HSD17B2: variants seen among roughly 807,000 people sequenced by gnomAD.
HSD17B2 encodes 17-beta-hydroxysteroid dehydrogenase type 2.
In HSD17B2, 32 loss-of-function variants were observed where a neutral mutation model predicts 26.9. That is an observed-to-expected ratio of 1.19 (90% confidence interval 0.90 to 1.60). The LOEUF is 1.60. Ranked by LOEUF, HSD17B2 falls within the 40% of genes most tolerant of loss-of-function variation. The pLI is 0.00. For synonymous variants in HSD17B2, 246 were observed against 186.7 expected, an observed-to-expected ratio of 1.32 and a Z score of -2.59; for missense variants, 613 against 468.6, an observed-to-expected ratio of 1.31 and a Z score of -2.85.
At chr16:82,036,753 G>C (rs1043645842) in intron 1 of HSD17B2, among the ~76,000 whole-genome samples, 1 of 152,112 alleles carries the variant, frequency 6.6e-6, no homozygotes, top group Non-Finnish European at 1.5e-5. Context: ...AAAGTTTAGA[G>C]GGAGAAAATT....
chr16:82,069,361 G>C (rs1914645557), intron 2 of HSD17B2, among the ~76,000 whole-genome samples: 1 of 152,160 alleles, frequency 6.6e-6, no homozygotes. Flanking sequence ...TGTGACTAGG[G>C]CTGCAACGAA....
chr16:82,070,995 G>T lies in HSD17B2; in HGVS notation c.532G>T (p.Glu178Ter). ...GGTGCTTGGCTTTCCAACTGATGGGGAGCTTCTTCTTATGACTGACTACAA... is the reference window on the plus strand; with the variant it reads ...GGTGCTTGGCTTTCCAACTGATGGGTAGCTTCTTCTTATGACTGACTACAA... Reference protein sequence around the residue: ...AGVLGFPTDGELLLMTDYKQC... With the variant: ...AGVLGFPTDG Residue 178 changes from glutamate (E) to a stop codon, truncating the protein, a stop_gained, in exon 3 of 5, where the codon GAG (glutamate) becomes TAG (stop). Transcript: ENST00000199936. LOFTEE classifies it high-confidence loss of function. 6.2e-7 allele frequency: 1 copy of T among 1,614,224 alleles called. No homozygotes were observed. Among genetic ancestry groups the T allele is most frequent in the Non-Finnish European group, 8.5e-7 (1 of 1,180,034 alleles).
intron 1 of HSD17B2, chr16:82,062,982 G>A (rs1914482383): frequency 6.6e-6 from 1 of 152,220 alleles, no homozygotes; most frequent in Non-Finnish European, 1.5e-5. Flanking sequence ...TGACGTCACG[G>A]TTACAGCCAC....
rs1811306265 is a variant in HSD17B2, at chr16:82,090,965, C to T, written c.728C>T (p.Ser243Leu). 2 of 1,614,062 alleles carry T rather than the reference C, an allele frequency of 1.2e-6. No homozygotes were observed. The highest frequency in any genetic ancestry group is 1.1e-5 in the South Asian group (1 of 91,080). ...GSSKAAVTMF[S>L]SVMRLELSKW... ...TCAAAGGCGGCTGTGACCATGTTCT[C>T]ATCAGTTATGAGACTGGAGCTTTCC... Residue 243 changes from serine to leucine, a missense_variant, in exon 4 of 5, where the codon TCA (serine) becomes TTA (leucine). Coordinates refer to ENST00000199936, the MANE Select transcript of HSD17B2 (RefSeq NM_002153.3).
At chr16:82,076,517 CTG>C (rs1489572664) in intron 3 of HSD17B2, among the ~76,000 whole-genome samples, 4 of 152,206 alleles carry the variant, frequency 2.6e-5, no homozygotes, top group Non-Finnish European at 5.9e-5. Flanking sequence ...ACAATTAAAA[CTG>C]ATAAACAAAT....
intron 4 of HSD17B2, chr16:82,092,407 G>T (rs1228948189): frequency 6.6e-6 from 1 of 152,154 alleles, no homozygotes; most frequent in Non-Finnish European, 1.5e-5. Context: ...TTCAAGTGAA[G>T]ATGTAAAAAG....
intron 3 of HSD17B2, among the ~76,000 whole-genome samples, chr16:82,082,567 T>G (rs915620833): frequency 6.6e-6 from 1 of 152,208 alleles, no homozygotes; most frequent in Non-Finnish European, 1.5e-5. Context: ...TGTTAGCTAT[T>G]ATTTCTATCA....
At position 82,098,171 on chromosome 16, in the gene HSD17B2, T is replaced by A. The variant is rs778586628; in HGVS notation, c.899T>A (p.Ile300Asn). The change falls in exon 5 of 5, where the codon ATC becomes AAC. Residue 300 changes from isoleucine (I) to asparagine (N), a missense_variant. Transcript: ENST00000199936. ...EVQEDYGQDY[I>N]LAQRNFLLLI... ...CAGGAAGACTACGGCCAGGACTACA[T>A]CTTAGCACAGCGGAATTTCCTCCTA... The A allele has an allele frequency of 5.6e-6, 9 of 1,613,924 alleles. No homozygotes were observed. Among genetic ancestry groups the A allele is most frequent in the African/African-American group, 2.7e-5 (2 of 74,886 alleles).
At chr16:82,070,267 C>CT (rs1403407032) in intron 2 of HSD17B2, among the ~76,000 whole-genome samples, 1 of 152,178 alleles carries the variant, frequency 6.6e-6, no homozygotes, top group Non-Finnish European at 1.5e-5. Flanking sequence ...TCAGCTTATC[C>CT]TCAGTGCCTG....
intron 1 of HSD17B2, chr16:82,056,394 T>C (rs1914269200): frequency 6.6e-6 from 1 of 152,210 alleles, no homozygotes. Flanking sequence ...AATACATGGT[T>C]GGAACATTAA....
intron 3 of HSD17B2, among the ~76,000 whole-genome samples, chr16:82,082,574 A>G (rs1325807521): frequency 1.3e-5 from 2 of 152,134 alleles, no homozygotes; most frequent in Non-Finnish European, 2.9e-5. Context: ...TATTATTTCT[A>G]TCACTTTCTG....
rs146767754 is a variant in HSD17B2, at chr16:82,084,371, T to C, written c.665-6531T>C. On this transcript the variant is annotated intron_variant, in intron 3 of 4. Transcript: ENST00000199936. ...ACACGTCTTCAGATATTTCCCATGATCTTTGGGGTGCAAAATCACCCCCAG... is the reference window on the plus strand; with the variant it reads ...ACACGTCTTCAGATATTTCCCATGACCTTTGGGGTGCAAAATCACCCCCAG... Among the ~76,000 whole-genome samples the C allele has an allele frequency of 7.4e-3, 1,126 of 152,152 alleles. 53 individuals are homozygous for C. Among genetic ancestry groups the C allele is most frequent in the Admixed American group, 0.062 (953 of 15,256 alleles).
At chr16:82,083,091 A>G (rs1341650002) in intron 3 of HSD17B2, among the ~76,000 whole-genome samples, 1 of 152,180 alleles carries the variant, frequency 6.6e-6, no homozygotes, top group Non-Finnish European at 1.5e-5. Context: ...CCACTGTTAG[A>G]TGCTTGTTCC....
intron 1 of HSD17B2, among the ~76,000 whole-genome samples, chr16:82,053,993 G>C (rs998921915): frequency 1.3e-5 from 2 of 152,276 alleles, no homozygotes; most frequent in Admixed American, 6.5e-5. Context: ...TAAGTCAAGA[G>C]ATTATGTGCT....
At chr16:82,072,622 T>C (rs1246044043) in intron 3 of HSD17B2, among the ~76,000 whole-genome samples, 2 of 152,166 alleles carry the variant, frequency 1.3e-5, no homozygotes, top group Admixed American at 1.3e-4. Context: ...GAGTTCACTT[T>C]AGTTATTGCC....
At chr16:82,043,067 A>T (rs1913810830) in intron 1 of HSD17B2, among the ~76,000 whole-genome samples, 1 of 152,172 alleles carries the variant, frequency 6.6e-6, no homozygotes, top group South Asian at 2.1e-4. Flanking sequence ...GCATCTCTTG[A>T]CATCATTTCT....
chr16:82,035,284 T>C lies in HSD17B2; in HGVS notation c.-141T>C, dbSNP rs537138375. On this transcript the variant is annotated 5_prime_UTR_variant, in exon 1 of 5. It removes an upstream start codon present in the reference 5' UTR. Coordinates refer to ENST00000199936, the MANE Select transcript of HSD17B2 (RefSeq NM_002153.3). ...TGGGAATATGATTATGCTTAATCTA[T>C]GCTCAGTTGAAAGGGGCTGGGGCTG... The C allele has an allele frequency of 2.1e-5, 14 of 674,690 alleles. No individual in the cohort carries two copies. The South Asian group carries it at 2.1e-4, about 10-fold the overall frequency. 41.8% of individuals were successfully genotyped at this position (674,690 alleles called of 1,614,324 possible).
At chr16:82,050,978 C>T (rs1914089764) in intron 1 of HSD17B2, among the ~76,000 whole-genome samples, 1 of 152,202 alleles carries the variant, frequency 6.6e-6, no homozygotes, top group Non-Finnish European at 1.5e-5. Flanking sequence ...CTAGACAATG[C>T]CAAATGCCTC....
Position 82,035,321 on chromosome 16 carries a change from C to G in HSD17B2, c.-104C>G. The G allele has an allele frequency of 1.8e-6, 2 of 1,085,938 alleles. No homozygotes were observed. The highest frequency in any genetic ancestry group is 1.5e-5 in the South Asian group (1 of 66,234). The allele number at this position is 1,085,938 out of a possible 1,614,324, so 67.3% of individuals were successfully genotyped here. Reference sequence around the variant, plus strand: ...AGGGGCTGGGGCTGCTTTCTCCCCTCCCTTCTTGACTCTCTGTTCACAGAA... The same window carrying G: ...AGGGGCTGGGGCTGCTTTCTCCCCTGCCTTCTTGACTCTCTGTTCACAGAA... On this transcript the variant is annotated 5_prime_UTR_variant, in exon 1 of 5. Coordinates refer to ENST00000199936, the MANE Select transcript of HSD17B2 (RefSeq NM_002153.3).
Sources: gnomAD v4.1 joint callset for allele counts (sites outside exome capture counted in the v4.1 genomes callset) on GRCh38, gnomAD v4.1.1 for gene constraint, MANE v1.5 for transcripts, NCBI Gene and HGNC (gene_info 2026-07-23, HGNC 2026-07-21) for gene names.